SPOCK3: variants seen among roughly 807,000 people sequenced by gnomAD.
The protein encoded by SPOCK3 is SPARC (osteonectin), cwcv and kazal like domains proteoglycan 3.
A neutral mutation model predicts 56.6 loss-of-function variants in SPOCK3; 30 were observed. The observed-to-expected ratio is 0.53, with a 90% CI of 0.40 to 0.72. SPOCK3 has a LOEUF of 0.72. Among genes scored for constraint, SPOCK3 ranks in the 30% least tolerant of loss-of-function variants. The probability of loss-of-function intolerance (pLI) is 0.00; values close to 1 mark genes in which losing one functional copy is unlikely to be tolerated. For synonymous variants in SPOCK3, 196 were observed against 183.3 expected (o/e 1.07, Z -0.56); for missense variants, 527 against 530.0 (o/e 0.99, Z 0.06).
intron 2 of SPOCK3, among the ~76,000 whole-genome samples, chr4:167,191,532 AT>A (rs1322129451): frequency 1.4e-5 from 2 of 145,516 alleles, no homozygotes; most frequent in Non-Finnish European, 3.0e-5. Context: ...ATTACTAGGC[AT>A]TTTATTCTTT....
chr4:166,739,417 T>C (rs996216930), intron 9 of SPOCK3, among the ~76,000 whole-genome samples: 4 of 151,998 alleles, frequency 2.6e-5, no homozygotes, highest in African/African-American at 9.7e-5. Flanking sequence ...ATTTTTGTGT[T>C]TTTAGTACAG....
chr4:166,878,987 G>A (rs560305069), intron 6 of SPOCK3, among the ~76,000 whole-genome samples: 1 of 152,216 alleles, frequency 6.6e-6, no homozygotes, highest in Non-Finnish European at 1.5e-5. Flanking sequence ...AGGGCAAAAT[G>A]ATATTAATCT....
intron 6 of SPOCK3, among the ~76,000 whole-genome samples, chr4:166,862,301 G>A (rs1731315904): frequency 6.6e-6 from 1 of 151,712 alleles, no homozygotes; most frequent in Admixed American, 6.6e-5. Flanking sequence ...ACCAAGTTAG[G>A]AGTCTTGGAA....
At chr4:166,943,897 G>C (rs1439373694) in intron 4 of SPOCK3, among the ~76,000 whole-genome samples, 1 of 152,142 alleles carries the variant, frequency 6.6e-6, no homozygotes, top group Non-Finnish European at 1.5e-5. Flanking sequence ...TGTAATCCCA[G>C]CACTTTGGGA....
chr4:166,868,282 C>CAA (rs139477830), intron 6 of SPOCK3, among the ~76,000 whole-genome samples: 15 of 129,922 alleles, frequency 1.2e-4, no homozygotes, highest in Admixed American at 9.8e-4. Context: ...CTTATCTCTA[C>CAA]AAAAAAAAAG....
chr4:167,004,244 G>A (rs954441883), intron 3 of SPOCK3, among the ~76,000 whole-genome samples: 1 of 152,180 alleles, frequency 6.6e-6, no homozygotes, highest in Admixed American at 6.5e-5. Context: ...GAGAAAACTA[G>A]AATGAGCGAC....
At chr4:166,912,776 T>A in intron 4 of SPOCK3, 33 bp from the exon 5 acceptor site, 2 of 1,555,884 alleles carry the variant, frequency 1.3e-6, no homozygotes, top group Non-Finnish European at 1.7e-6. Flanking sequence ...ATATTGAGCA[T>A]ATTTATTTTA....
At chr4:166,952,487 T>C (rs1742787800) in intron 4 of SPOCK3, among the ~76,000 whole-genome samples, 1 of 152,042 alleles carries the variant, frequency 6.6e-6, no homozygotes, top group Non-Finnish European at 1.5e-5. Flanking sequence ...AGAATCAATA[T>C]CGTGAAAATG....
At chr4:167,131,306 G>A (rs1762676613) in intron 2 of SPOCK3, among the ~76,000 whole-genome samples, 1 of 152,066 alleles carries the variant, frequency 6.6e-6, no homozygotes, top group South Asian at 2.1e-4. Flanking sequence ...CTAGGAGTAG[G>A]ACTGGGCATG....
intron 5 of SPOCK3, among the ~76,000 whole-genome samples, chr4:166,906,753 A>T (rs1421478928): frequency 6.6e-6 from 1 of 152,062 alleles, no homozygotes; most frequent in East Asian, 1.9e-4. Flanking sequence ...TTTATTTTTT[A>T]ATTTTTTTTA....
At chr4:167,142,395 G>T (rs909512934) in intron 2 of SPOCK3, among the ~76,000 whole-genome samples, 1 of 151,702 alleles carries the variant, frequency 6.6e-6, no homozygotes, top group Non-Finnish European at 1.5e-5. Context: ...GAAACTACTG[G>T]AAGCTATTCT....
chr4:166,821,895 A>G (rs1280011755), intron 6 of SPOCK3, among the ~76,000 whole-genome samples: 1 of 152,098 alleles, frequency 6.6e-6, no homozygotes, highest in Non-Finnish European at 1.5e-5. Context: ...TGGTATATCA[A>G]TTATCTAAAT....
chr4:166,889,328 T>A, intron 5 of SPOCK3, 84 bp from the exon 6 acceptor site: 1 of 815,138 alleles, frequency 1.2e-6, no homozygotes, highest in Non-Finnish European at 2.0e-6. Context: ...AGAAAGGTAA[T>A]TTTTGATGCA....
intron 2 of SPOCK3, among the ~76,000 whole-genome samples, chr4:167,070,278 G>A (rs910635104): frequency 6.6e-6 from 1 of 151,938 alleles, no homozygotes; most frequent in African/African-American, 2.4e-5. Context: ...TTATAGTTGT[G>A]GGAAGCATAA....
chr4:166,745,766 T>C (rs1735530060), intron 8 of SPOCK3, among the ~76,000 whole-genome samples: 1 of 152,102 alleles, frequency 6.6e-6, no homozygotes, highest in South Asian at 2.1e-4. Flanking sequence ...GAGACACACA[T>C]AGGCTCAAAA....
intron 2 of SPOCK3, among the ~76,000 whole-genome samples, chr4:167,187,088 A>T (rs1247468116): frequency 6.6e-6 from 1 of 152,122 alleles, no homozygotes; most frequent in Non-Finnish European, 1.5e-5. Context: ...TTTTAAAAAC[A>T]TATACAGTTA....
chr4:166,787,123 G>A (rs761653080), intron 7 of SPOCK3, among the ~76,000 whole-genome samples: 45 of 152,050 alleles, frequency 3.0e-4, no homozygotes, highest in Non-Finnish European at 4.1e-4. Flanking sequence ...CTATTCACAC[G>A]TATTCTAATA....
chr4:166,764,339 C>A (rs1043949244), intron 7 of SPOCK3, among the ~76,000 whole-genome samples: 13 of 152,144 alleles, frequency 8.5e-5, no homozygotes, highest in Admixed American at 2.6e-4. Flanking sequence ...TTCCCTCCCC[C>A]CTCTCCCCAC....
At chr4:166,748,916 G>T (rs991895149) in intron 8 of SPOCK3, among the ~76,000 whole-genome samples, 1 of 137,714 alleles carries the variant, frequency 7.3e-6, no homozygotes, top group Admixed American at 7.0e-5. Flanking sequence ...TCAGGGAAAT[G>T]CATATCAAAA....
Sources: allele counts gnomAD v4.1 joint callset (sites outside exome capture counted in the v4.1 genomes callset), GRCh38; gene constraint gnomAD v4.1.1; transcripts MANE v1.5; gene names NCBI Gene and HGNC (gene_info 2026-07-23, HGNC 2026-07-21).